Variants in ST14 observed in about 807,000 individuals in gnomAD.
The protein encoded by ST14 is ST14 transmembrane serine protease matriptase, also known as suppressor of tumorigenicity 14 protein.
ST14 carries 40 observed loss-of-function variants against 96.5 expected under a neutral mutation model. The ratio of observed to expected loss-of-function variants is 0.41; its 90% confidence interval spans 0.32 to 0.54. The LOEUF (loss-of-function observed/expected upper bound fraction) is 0.54, where lower values mean the gene tolerates loss of function less well. ST14 is among the 20% of genes least tolerant of loss of function. ST14 has a pLI of 0.17. For synonymous variants in ST14, 506 were observed against 492.1 expected (o/e 1.03, Z -0.37); for missense variants, 1,066 against 1,188.9 (o/e 0.90, Z 1.52).
chr11:130,169,092 GTTTTTT>G (rs59747710), intron 1 of ST14, among the ~76,000 whole-genome samples: 1 of 112,322 alleles, frequency 8.9e-6, no homozygotes, highest in Non-Finnish European at 1.7e-5. Flanking sequence ...AATATAATGG[GTTTTTT>G]TTTTTTTTTT....
In ST14 at chr11:130,187,300, C is replaced by T. The variant is rs1953247277; in HGVS notation, c.82-814C>T. Among the ~76,000 whole-genome samples the T allele has an allele frequency of 6.6e-6, 1 of 152,244 alleles. No homozygotes were observed. The highest frequency in any genetic ancestry group is 1.5e-5 in the Non-Finnish European group (1 of 68,048). On this transcript the variant is annotated intron_variant, in intron 1 of 18. Transcript: ENST00000278742. The surrounding 1 kb of genome is among the most constrained non-coding windows in gnomAD (Gnocchi z 4.5). ...GCCTTCGCCGGTCCGTCACTGGGTG[C>T]AGCAGACACCCCACCTGCCCCTCCG...
chr11:130,186,151 T>C (rs1953236212), intron 1 of ST14, among the ~76,000 whole-genome samples: 1 of 152,224 alleles, frequency 6.6e-6, no homozygotes, highest in African/African-American at 2.4e-5. Context: ...AAACCTATAG[T>C]TCTATACCCA....
intron 11 of ST14, 123 bp downstream of exon 11, chr11:130,196,823 A>C: frequency 6.9e-7 from 1 of 1,455,120 alleles, no homozygotes; most frequent in Non-Finnish European, 9.6e-7. Context: ...AGAGCATCTC[A>C]CCCCTCCCGT....
At chr11:130,176,515 A>G (rs963422262) in intron 1 of ST14, among the ~76,000 whole-genome samples, 4 of 151,566 alleles carry the variant, frequency 2.6e-5, no homozygotes, top group South Asian at 2.1e-4. Flanking sequence ...CAGCCTCCCG[A>G]GTAGCTGGGA....
chr11:130,194,231 A>T lies in ST14; in HGVS notation c.958A>T (p.Thr320Ser). The T allele has an allele frequency of 6.2e-7, 1 of 1,614,140 alleles. No homozygotes were observed. The highest frequency in any genetic ancestry group is 8.5e-7 in the Non-Finnish European group (1 of 1,180,012). ...NVLLITLITN[T>S]ERRHPGFEAT... ...CCTGCTCATCACACTGATAACCAAC[A>T]CTGAGCGGCGGCATCCCGGCTTTGA... The change falls in exon 8 of 19, where the codon ACT becomes TCT. Residue 320 changes from threonine to serine, a missense_variant. Transcript: ENST00000278742.
intron 1 of ST14, among the ~76,000 whole-genome samples, chr11:130,185,000 A>T (rs974397107): frequency 6.6e-6 from 1 of 152,238 alleles, no homozygotes; most frequent in African/African-American, 2.4e-5. Flanking sequence ...CAGTGAAGCC[A>T]GTTGTGGCAA....
intron 1 of ST14, among the ~76,000 whole-genome samples, chr11:130,178,182 A>G (rs964420680): frequency 2.0e-5 from 3 of 152,234 alleles, no homozygotes; most frequent in Non-Finnish European, 4.4e-5. Flanking sequence ...GAGAAAGGGG[A>G]TAGGAAAAAG....
At chr11:130,170,785 C>A (rs1198444113) in intron 1 of ST14, among the ~76,000 whole-genome samples, 1 of 151,936 alleles carries the variant, frequency 6.6e-6, no homozygotes, top group Non-Finnish European at 1.5e-5. Flanking sequence ...CAGTGGTGGG[C>A]ACAGCAGGGG....
chr11:130,181,566 C>T lies in ST14; in HGVS notation c.82-6548C>T, dbSNP rs1050822426. Among the ~76,000 whole-genome samples the T allele has an allele frequency of 6.6e-6, 1 of 152,222 alleles. No homozygotes were observed. The highest frequency in any genetic ancestry group is 1.5e-5 in the Non-Finnish European group (1 of 68,036). Reference sequence around the variant, plus strand: ...GCAGGCATAGGATCTCTCCTGTCGGCTGTGGCCCAGTAGAGAGGTGTTATG... The same window carrying T: ...GCAGGCATAGGATCTCTCCTGTCGGTTGTGGCCCAGTAGAGAGGTGTTATG... On this transcript the variant is annotated intron_variant, in intron 1 of 18. Coordinates refer to ENST00000278742, the MANE Select transcript of ST14 (RefSeq NM_021978.4). This position sits in a 1 kb window ranked among gnomAD's most constrained non-coding sequence, Gnocchi z 4.1.
chr11:130,201,470 G>A (rs1265531222), intron 16 of ST14, among the ~76,000 whole-genome samples: 1 of 152,292 alleles, frequency 6.6e-6, no homozygotes, highest in Non-Finnish European at 1.5e-5. Context: ...CAGATGGAGT[G>A]TGCTCAGACC....
chr11:130,189,496 T>C (rs1350312751), intron 4 of ST14: 3 of 577,968 alleles, frequency 5.2e-6, no homozygotes, highest in Non-Finnish European at 6.1e-6. Flanking sequence ...TCCTCATTCC[T>C]ACCCCTGAGC....
At chr11:130,197,543 G>A (rs1434376006) in intron 11 of ST14, among the ~76,000 whole-genome samples, 3 of 152,184 alleles carry the variant, frequency 2.0e-5, no homozygotes, top group Admixed American at 6.5e-5. Flanking sequence ...CAGGGCCTGC[G>A]ACCAGCTGGC....
chr11:130,164,838 A>G (rs1004205834), intron 1 of ST14, among the ~76,000 whole-genome samples: 3 of 151,734 alleles, frequency 2.0e-5, no homozygotes, highest in Non-Finnish European at 4.4e-5. Flanking sequence ...CCTGGATTCA[A>G]GCGATTCTCC....
intron 1 of ST14, among the ~76,000 whole-genome samples, chr11:130,186,911 G>A (rs1208805604): frequency 2.0e-5 from 3 of 152,204 alleles, no homozygotes; most frequent in South Asian, 2.1e-4. Flanking sequence ...GTTTCTGTGT[G>A]TGATATTAGA....
At chr11:130,185,419 G>A (rs548755431) in intron 1 of ST14, among the ~76,000 whole-genome samples, 13 of 152,324 alleles carry the variant, frequency 8.5e-5, no homozygotes, top group African/African-American at 2.9e-4. Flanking sequence ...TTGGGAGGCT[G>A]AGATGGAAGG....
intron 1 of ST14, among the ~76,000 whole-genome samples, chr11:130,172,431 T>C (rs1240462249): frequency 6.9e-6 from 1 of 145,844 alleles, no homozygotes; most frequent in Non-Finnish European, 1.5e-5. Flanking sequence ...TTTTTTTTTT[T>C]TTTTGAGACA....
At position 130,188,467 on chromosome 11, in the gene ST14, C is replaced by A; in HGVS notation, c.242-63C>A. The stretch of plus-strand genomic sequence containing the variant: ...CCTGGCATTCATTCCCCATTGTGGA[C>A]GGCGAGGGACAGGCGGGGGTGGTAC... On this transcript the variant is annotated intron_variant, in intron 2 of 18. Coordinates refer to ENST00000278742, the MANE Select transcript of ST14 (RefSeq NM_021978.4). This position sits in a 1 kb window ranked among gnomAD's most constrained non-coding sequence, Gnocchi z 5.4. 6.2e-7 allele frequency: 1 copy of A among 1,610,798 alleles called. No individual in the cohort carries two copies. Among genetic ancestry groups the A allele is most frequent in the South Asian group, 1.1e-5 (1 of 90,888 alleles).
At chr11:130,204,537 C>T (rs1953466842) in intron 16 of ST14, among the ~76,000 whole-genome samples, 1 of 152,070 alleles carries the variant, frequency 6.6e-6, no homozygotes. Context: ...GGGGGCCTGG[C>T]GCGGTGGCTC....
intron 14 of ST14, 76 bp from the exon 15 acceptor site, chr11:130,198,871 G>A (rs112202303): frequency 2.5e-5 from 41 of 1,609,554 alleles, no homozygotes; most frequent in South Asian, 7.7e-5. Flanking sequence ...GCCATGAGGC[G>A]CCATTGGTGG....
Sources: gnomAD v4.1 joint callset for allele counts (sites outside exome capture counted in the v4.1 genomes callset) on GRCh38, gnomAD v4.1.1 for gene constraint, Gnocchi (gnomAD v3.1) non-coding constraint, MANE v1.5 for transcripts, NCBI Gene and HGNC (gene_info 2026-07-23, HGNC 2026-07-21) for gene names.